Variants in NHERF1 observed in about 807,000 individuals in gnomAD.
NHERF1 encodes Na(+)/H(+) exchange regulatory cofactor NHE-RF1.
the NHERF1 span, among the ~76,000 whole-genome samples, chr17:74,751,001 G>C: frequency 6.6e-6 from 1 of 152,098 alleles, no homozygotes; most frequent in East Asian, 1.9e-4. The surrounding 1 kb of genome is among the most constrained non-coding windows in gnomAD (Gnocchi z 4.3). Flanking sequence ...TGAGAGGAGA[G>C]CCACCAGCAA....
At chr17:74,768,902 G>T in the NHERF1 span, 2,568 of 538,680 alleles carry the variant, frequency 4.8e-3, 64 homozygotes, top group African/African-American at 0.044. Flanking sequence ...TCATCCTACC[G>T]GGTGTCCCTT....
chr17:74,765,103 T>C, the NHERF1 span, among the ~76,000 whole-genome samples: 52,354 of 151,910 alleles, frequency 0.34, 10,544 homozygotes, highest in Non-Finnish European at 0.45. Flanking sequence ...GTGAGCCCAG[T>C]GAAGGTGACC....
chr17:74,763,907 G>T, the NHERF1 span, among the ~76,000 whole-genome samples: 1 of 152,344 alleles, frequency 6.6e-6, no homozygotes, highest in East Asian at 1.9e-4. Context: ...TCCAGCCTTT[G>T]CTTGGTCAGA....
chr17:74,766,538 T>G, the NHERF1 span, among the ~76,000 whole-genome samples: 1 of 151,974 alleles, frequency 6.6e-6, no homozygotes, highest in African/African-American at 2.4e-5. Context: ...GAAATGAAAT[T>G]AAAAATATCA....
the NHERF1 span, among the ~76,000 whole-genome samples, chr17:74,765,419 C>A: frequency 6.6e-6 from 1 of 151,794 alleles, no homozygotes; most frequent in South Asian, 2.1e-4. Flanking sequence ...GCCACCACGC[C>A]CAGCAAATTT....
the NHERF1 span, chr17:74,762,273 CG>C: frequency 1.2e-4 from 113 of 937,960 alleles, no homozygotes; most frequent in African/African-American, 1.6e-3. This position sits in a 1 kb window ranked among gnomAD's most constrained non-coding sequence, Gnocchi z 4.2. Context: ...GATTAGCCCA[CG>C]GGCATAGCCA....
the NHERF1 span, chr17:74,749,433 C>T: frequency 3.9e-6 from 3 of 778,904 alleles, no homozygotes; most frequent in East Asian, 2.9e-5. The surrounding 1 kb of genome is among the most constrained non-coding windows in gnomAD (Gnocchi z 5.6). Flanking sequence ...GCCCGCCGAC[C>T]AGGCGCCCTG....
the NHERF1 span, among the ~76,000 whole-genome samples, chr17:74,757,928 G>C: frequency 6.6e-6 from 1 of 152,204 alleles, no homozygotes; most frequent in Non-Finnish European, 1.5e-5. Context: ...TTGTTCCCCT[G>C]GACACCCAAG....
At chr17:74,755,919 T>C in the NHERF1 span, among the ~76,000 whole-genome samples, 1 of 151,788 alleles carries the variant, frequency 6.6e-6, no homozygotes, top group Non-Finnish European at 1.5e-5. Flanking sequence ...TTGGGTACAT[T>C]ATGTTAAATA....
the NHERF1 span, chr17:74,768,354 T>C: frequency 5.3e-3 from 7,487 of 1,421,044 alleles, 33 homozygotes; most frequent in Non-Finnish European, 5.4e-3. Flanking sequence ...ATTCTGTTCT[T>C]GTGACCTGGC....
chr17:74,749,230 G>GC, the NHERF1 span: 1 of 1,529,220 alleles, frequency 6.5e-7, no homozygotes, highest in Non-Finnish European at 8.7e-7. The surrounding 1 kb of genome is among the most constrained non-coding windows in gnomAD (Gnocchi z 5.6). Context: ...CCGCCGAGGT[G>GC]CAGGGGGCTG....
the NHERF1 span, chr17:74,763,434 A>G: frequency 1.2e-6 from 2 of 1,613,858 alleles, no homozygotes; most frequent in Non-Finnish European, 1.7e-6. Flanking sequence ...GCTGGCGGGG[A>G]CGAGACCAAG....
chr17:74,758,604 C>T, the NHERF1 span, among the ~76,000 whole-genome samples: 1 of 152,182 alleles, frequency 6.6e-6, no homozygotes, highest in African/African-American at 2.4e-5. The surrounding 1 kb of genome is among the most constrained non-coding windows in gnomAD (Gnocchi z 4.3). Context: ...CTTTGCCCTC[C>T]GGAACTCACT....
chr17:74,751,596 C>T, the NHERF1 span, among the ~76,000 whole-genome samples: 7 of 152,210 alleles, frequency 4.6e-5, no homozygotes, highest in African/African-American at 1.4e-4. This position sits in a 1 kb window ranked among gnomAD's most constrained non-coding sequence, Gnocchi z 4.3. Context: ...GCTGGGGAGT[C>T]TAGGCCTAAG....
the NHERF1 span, among the ~76,000 whole-genome samples, chr17:74,762,536 C>T: frequency 6.6e-6 from 1 of 151,456 alleles, no homozygotes; most frequent in Non-Finnish European, 1.5e-5. The surrounding 1 kb of genome is among the most constrained non-coding windows in gnomAD (Gnocchi z 4.2). Context: ...AACCCCTCTC[C>T]TGAGTTAGGC....
chr17:74,750,837 G>A, the NHERF1 span, among the ~76,000 whole-genome samples: 1 of 142,416 alleles, frequency 7.0e-6, no homozygotes, highest in East Asian at 2.1e-4. Flanking sequence ...TATGCTGCTG[G>A]GTGCCAGAGG....
the NHERF1 span, among the ~76,000 whole-genome samples, chr17:74,754,399 CTTTTTTT>C: frequency 1.0e-4 from 6 of 59,684 alleles, no homozygotes; most frequent in Admixed American, 2.1e-4. Flanking sequence ...TTCTTTCTTT[CTTTTTTT>C]TTTTTTTTTT....
the NHERF1 span, among the ~76,000 whole-genome samples, chr17:74,766,772 A>C: frequency 6.6e-6 from 1 of 152,166 alleles, no homozygotes; most frequent in African/African-American, 2.4e-5. Flanking sequence ...ATTTTTTTTA[A>C]ATAAATAAGG....
the NHERF1 span, among the ~76,000 whole-genome samples, chr17:74,754,377 T>G: frequency 4.3e-5 from 6 of 140,724 alleles, no homozygotes; most frequent in Non-Finnish European, 7.7e-5. Context: ...ATGCATTTCT[T>G]TCTTTCTTTC....
Sources: allele counts gnomAD v4.1 joint callset (sites outside exome capture counted in the v4.1 genomes callset), GRCh38; gene constraint gnomAD v4.1.1; non-coding constraint Gnocchi (gnomAD v3.1); transcripts MANE v1.5; gene names NCBI Gene and HGNC (gene_info 2026-07-23, HGNC 2026-07-21).